Variants in UVRAG observed in about 807,000 individuals in gnomAD.
UVRAG encodes UV radiation resistance-associated gene protein.
Under a neutral mutation model 78.0 loss-of-function variants are expected in UVRAG, and 19 were observed. That is an observed-to-expected ratio of 0.24 (90% CI 0.17 to 0.36). The LOEUF (loss-of-function observed/expected upper bound fraction) is 0.36. Among genes scored for constraint, UVRAG ranks in the 10% least tolerant of loss-of-function variants. The probability of loss-of-function intolerance (pLI) is 1.00; values close to 1 mark genes in which losing one functional copy is unlikely to be tolerated. For missense variants in UVRAG, 740 were observed against 853.8 expected (o/e 0.87, Z 1.66); for synonymous variants, 323 against 324.6 (o/e 1.00, Z 0.05).
At chr11:75,950,311 G>A (rs1343392077) in intron 6 of UVRAG, among the ~76,000 whole-genome samples, 1 of 152,202 alleles carries the variant, frequency 6.6e-6, no homozygotes, top group East Asian at 1.9e-4. Context: ...CAGGCTCGGA[G>A]TGCAGTAGTG....
chr11:76,047,968 T>TA (rs1354393823), intron 12 of UVRAG, among the ~76,000 whole-genome samples: 2 of 152,212 alleles, frequency 1.3e-5, no homozygotes, highest in South Asian at 2.1e-4. Flanking sequence ...CCATATGTTT[T>TA]ATACCAAATT....
At chr11:75,880,928 C>CT (rs773034018) in intron 4 of UVRAG, among the ~76,000 whole-genome samples, 3,906 of 87,624 alleles carry the variant, frequency 0.045, 241 homozygotes, top group African/African-American at 0.055. Context: ...TTATTTACTT[C>CT]TTTTTTTTTT....
At chr11:75,910,948 CTT>C (rs2135025077) in intron 5 of UVRAG, among the ~76,000 whole-genome samples, 1 of 152,236 alleles carries the variant, frequency 6.6e-6, no homozygotes, top group South Asian at 2.1e-4. Flanking sequence ...TGTTAATACT[CTT>C]TTTGAGTCAC....
intron 11 of UVRAG, among the ~76,000 whole-genome samples, chr11:76,015,143 C>G (rs1461570013): frequency 3.3e-5 from 5 of 152,118 alleles, no homozygotes; most frequent in African/African-American, 1.2e-4. Context: ...TACTAGAAAA[C>G]TGTGAAGAAA....
chr11:76,022,512 G>A (rs991190454), intron 12 of UVRAG, among the ~76,000 whole-genome samples: 5 of 152,040 alleles, frequency 3.3e-5, no homozygotes, highest in African/African-American at 1.2e-4. Context: ...CTGATGAATT[G>A]ACCCTTTTAT....
At chr11:76,012,673 C>G (rs1327286316) in intron 11 of UVRAG, among the ~76,000 whole-genome samples, 1 of 151,948 alleles carries the variant, frequency 6.6e-6, no homozygotes, top group African/African-American at 2.4e-5. Context: ...GTGTGCTTTT[C>G]TAAGTGGGTA....
chr11:75,872,474 T>G (rs1946674441), intron 3 of UVRAG, among the ~76,000 whole-genome samples: 1 of 150,940 alleles, frequency 6.6e-6, no homozygotes, highest in Non-Finnish European at 1.5e-5. Flanking sequence ...CTGCAACCTC[T>G]GCCTCCCAGG....
chr11:75,930,971 CT>C (rs1948227145), intron 6 of UVRAG: 1 of 149,130 alleles, frequency 6.7e-6, no homozygotes, highest in Non-Finnish European at 1.5e-5. Context: ...TTCTTTCTTT[CT>C]TTCTTTCTTT....
At chr11:76,013,868 T>G (rs754627024) in intron 11 of UVRAG, among the ~76,000 whole-genome samples, 6 of 152,320 alleles carry the variant, frequency 3.9e-5, no homozygotes, top group Middle Eastern at 3.4e-3. Flanking sequence ...ATATAAAGGT[T>G]CAATATTGGA....
intron 13 of UVRAG, among the ~76,000 whole-genome samples, chr11:76,067,104 T>G (rs1482255025): frequency 6.6e-6 from 1 of 152,140 alleles, no homozygotes; most frequent in Non-Finnish European, 1.5e-5. Context: ...TTTTTTTAAT[T>G]TGTTTTTTAT....
chr11:75,965,406 G>A (rs1255351878), intron 7 of UVRAG, among the ~76,000 whole-genome samples: 1 of 152,160 alleles, frequency 6.6e-6, no homozygotes, highest in African/African-American at 2.4e-5. Context: ...CCGACTTCCG[G>A]GTTCACACCA....
At chr11:75,895,154 T>G (rs376196698) in intron 5 of UVRAG, among the ~76,000 whole-genome samples, 3 of 152,218 alleles carry the variant, frequency 2.0e-5, no homozygotes, top group African/African-American at 7.2e-5. Flanking sequence ...AAAGCAGCTT[T>G]CAATAATGCC....
At chr11:76,130,251 C>G (rs1052572235) in intron 14 of UVRAG, among the ~76,000 whole-genome samples, 1 of 152,086 alleles carries the variant, frequency 6.6e-6, no homozygotes, top group Non-Finnish European at 1.5e-5. Context: ...TCTTTGAGCC[C>G]GTGTCCTCTC....
intron 4 of UVRAG, among the ~76,000 whole-genome samples, chr11:75,888,316 T>C (rs1947138065): frequency 6.6e-6 from 1 of 151,912 alleles, no homozygotes; most frequent in African/African-American, 2.4e-5. Context: ...TTTATTGTTA[T>C]TGTTATTTGT....
chr11:76,035,931 T>C (rs909183337), intron 12 of UVRAG, among the ~76,000 whole-genome samples: 1 of 152,172 alleles, frequency 6.6e-6, no homozygotes, highest in South Asian at 2.1e-4. Context: ...GTAAATACAT[T>C]GCAAGATTCA....
intron 11 of UVRAG, among the ~76,000 whole-genome samples, chr11:76,013,586 T>TA (rs1452652137): frequency 2.6e-5 from 4 of 152,176 alleles, no homozygotes; most frequent in South Asian, 2.1e-4. Context: ...CTGTGGCAGG[T>TA]AAAAAAATCT....
At chr11:76,112,958 C>G in intron 13 of UVRAG, among the ~76,000 whole-genome samples, 1 of 152,116 alleles carries the variant, frequency 6.6e-6, no homozygotes, top group South Asian at 2.1e-4. Flanking sequence ...AAACTCCACC[C>G]GCCTCAGCTT....
Position 76,142,655 on chromosome 11 carries a change from G to A in UVRAG, c.*1242G>A, listed in dbSNP as rs903814883. 3 of 152,188 alleles carry A rather than the reference G, an allele frequency of 2.0e-5. No individual in the cohort carries two copies. The highest frequency in any genetic ancestry group is 4.8e-5 in the African/African-American group (2 of 41,384). 9.4% of individuals were successfully genotyped at this position (152,188 alleles called of 1,614,324 possible). A position where few individuals can be genotyped will look rare whatever the true frequency, so the allele number is the denominator to read the frequency against. ...AATAAAAATTGAGTTTACTTCACCC[G>A]ACCTGATTTTTTTTTACCAGCTTGG... is the stretch of plus-strand genomic sequence containing the variant. On this transcript the variant is annotated 3_prime_UTR_variant, in exon 15 of 15. Coordinates refer to ENST00000356136, the MANE Select transcript of UVRAG (RefSeq NM_003369.4).
intron 12 of UVRAG, among the ~76,000 whole-genome samples, chr11:76,048,616 G>GCA (rs1484571616): frequency 6.6e-6 from 1 of 152,150 alleles, no homozygotes; most frequent in African/African-American, 2.4e-5. Flanking sequence ...CTGAAATTGG[G>GCA]CAAGATGATG....
Sources: allele counts gnomAD v4.1 joint callset (sites outside exome capture counted in the v4.1 genomes callset), GRCh38; gene constraint gnomAD v4.1.1; transcripts MANE v1.5; gene names NCBI Gene and HGNC (gene_info 2026-07-23, HGNC 2026-07-21).